Variants in DES observed in about 807,000 individuals in gnomAD.
DES encodes the protein desmin.
In DES, 34 loss-of-function variants were observed where a neutral mutation model predicts 55.1. The ratio of observed to expected loss-of-function variants is 0.62; its 90% CI spans 0.47 to 0.82. The LOEUF (loss-of-function observed/expected upper bound fraction) is 0.82, where lower values mean the gene tolerates loss of function less well. DES is among the 40% of genes least tolerant of loss of function. The pLI is 0.00. For missense variants in DES, 596 were observed against 645.9 expected (o/e 0.92, Z 0.84); for synonymous variants, 259 against 270.8 (o/e 0.96, Z 0.43).
rs759235186 is a variant in DES at position 219,418,674 on chromosome 2, C to G, written c.212C>G (p.Ala71Gly). The G allele has an allele frequency of 7.6e-6, 12 of 1,579,578 alleles. No individual in the cohort carries two copies. The highest frequency in any genetic ancestry group is 2.3e-5 in the East Asian group (1 of 43,372). The part of the protein sequence containing the change: ...GGAGGLGSLR[A>G]SRLGTTRTPS... ...GCCGGGGGCCTGGGGTCGCTGCGGG[C>G]CAGCCGGCTGGGGACCACCCGCACG... The change falls in exon 1 of 9, where the codon GCC becomes GGC. Residue 71 changes from alanine (A) to glycine (G), a missense_variant. Coordinates refer to ENST00000373960, the MANE Select transcript of DES (RefSeq NM_001927.4).
intron 6 of DES, 107 bp downstream of exon 6, chr2:219,421,667 C>T: frequency 9.7e-7 from 1 of 1,033,780 alleles, no homozygotes. Context: ...GACCTGGAAA[C>T]AATTTTTTTT....
chr2:219,421,508 C>T lies in DES; in HGVS notation c.1192C>T (p.Leu398=), dbSNP rs1575015024. ...YQDLLNVKMA[L]DVEIATYRKL... ...GGACCTGCTCAACGTGAAGATGGCCCTGGATGTGGAGATTGCCACCTACCG... is the reference window on the plus strand; with the variant it reads ...GGACCTGCTCAACGTGAAGATGGCCTTGGATGTGGAGATTGCCACCTACCG... Residue 398 remains leucine (L), a synonymous_variant, in exon 6 of 9, where the codon CTG becomes TTG. Coordinates refer to ENST00000373960, the MANE Select transcript of DES (RefSeq NM_001927.4). The T allele has an allele frequency of 6.2e-7, 1 of 1,614,076 alleles. No homozygotes were observed. The highest frequency in any genetic ancestry group is 8.5e-7 in the Non-Finnish European group (1 of 1,180,010).
In DES at chr2:219,426,606, G is replaced by T; in HGVS notation, c.*616G>T. On this transcript the variant is annotated 3_prime_UTR_variant, in exon 9 of 9. Coordinates refer to ENST00000373960, the MANE Select transcript of DES (RefSeq NM_001927.4). The surrounding 1 kb of genome is among the most constrained non-coding windows in gnomAD (Gnocchi z 4.5). ...AAGGAGAGAAAGTGGGTGAGATGCT[G>T]GAGAAGAGAGGAGAGGAGAGAGGCA... 1 of 168,248 alleles carries T rather than the reference G, an allele frequency of 5.9e-6. No homozygotes were observed. 10.4% of individuals were successfully genotyped at this position (168,248 alleles called of 1,614,324 possible). A position where few individuals can be genotyped will look rare whatever the true frequency, so the allele number is the denominator to read the frequency against.
Position 219,420,207 on chromosome 2 carries a change from C to G in DES, c.640-44C>G. 1 of 1,614,150 alleles carries G rather than the reference C, an allele frequency of 6.2e-7. No individual in the cohort carries two copies. Among genetic ancestry groups the G allele is most frequent in the East Asian group, 2.2e-5 (1 of 44,884 alleles). ...TGGCCTCTGGCCTTGCTCTGCCCCACCTGGGTGGCGGTGACCATGTCCTTC... is the reference window on the plus strand; with the variant it reads ...TGGCCTCTGGCCTTGCTCTGCCCCAGCTGGGTGGCGGTGACCATGTCCTTC... On this transcript the variant is annotated intron_variant, in intron 2 of 8. Coordinates refer to ENST00000373960, the MANE Select transcript of DES (RefSeq NM_001927.4). The surrounding 1 kb of genome is among the most constrained non-coding windows in gnomAD (Gnocchi z 6.0).
At chr2:219,425,865 C>T (rs925524280) in intron 8 of DES, 84 bp from the exon 9 acceptor site, 34 of 1,600,494 alleles carry the variant, frequency 2.1e-5, no homozygotes, top group Admixed American at 6.7e-5. Flanking sequence ...AGAGATCCTG[C>T]GGCCCTGGGG....
At chr2:219,421,155 G>A (rs1445500395) in intron 5 of DES, among the ~76,000 whole-genome samples, 185 bp from the exon 6 acceptor site, 1 of 152,218 alleles carries the variant, frequency 6.6e-6, no homozygotes, top group Non-Finnish European at 1.5e-5. Flanking sequence ...TGGGGACTGT[G>A]AGGCTGAATG....
chr2:219,423,202 T>C (rs1442681802), intron 6 of DES, among the ~76,000 whole-genome samples: 2 of 152,150 alleles, frequency 1.3e-5, no homozygotes, highest in African/African-American at 4.8e-5. Context: ...ATCCTGGTGC[T>C]CTGGAGGGCG....
rs1954398850 is a variant in DES at position 219,419,750 on chromosome 2, C to A, written c.579-345C>A. Among the ~76,000 whole-genome samples the A allele has an allele frequency of 6.6e-6, 1 of 152,168 alleles. No individual in the cohort carries two copies. Among genetic ancestry groups the A allele is most frequent in the Non-Finnish European group, 1.5e-5 (1 of 68,032 alleles). On this transcript the variant is annotated intron_variant, in intron 1 of 8. Coordinates refer to ENST00000373960, the MANE Select transcript of DES (RefSeq NM_001927.4). The surrounding 1 kb of genome is among the most constrained non-coding windows in gnomAD (Gnocchi z 4.3). ...AGTGAGCACAGTCACCCTCCTGCCA[C>A]CAAAGTCATAAATATTAATTGAGCA...
At chr2:219,424,241 G>A (rs6759920) in intron 7 of DES, among the ~76,000 whole-genome samples, 1,675 of 152,234 alleles carry the variant, frequency 0.011, 39 homozygotes, top group African/African-American at 0.034. Context: ...GCTGCTTGTC[G>A]AACACCTCCA....
rs762808690 is a variant in DES, at chr2:219,421,379, C to G, written c.1063C>G (p.Arg355Gly). The G allele has an allele frequency of 6.2e-7, 1 of 1,614,076 alleles. No homozygotes were observed. The highest frequency in any genetic ancestry group is 8.5e-7 in the Non-Finnish European group (1 of 1,180,012). Reference protein sequence around the residue: ...LMRQMRELEDRFASEASGYQD... With the variant: ...LMRQMRELEDGFASEASGYQD... Reference sequence around the variant, plus strand: ...GAGGCAGATGCGGGAATTGGAGGACCGATTTGCCAGTGAGGCCAGTGGCTA... The same window carrying G: ...GAGGCAGATGCGGGAATTGGAGGACGGATTTGCCAGTGAGGCCAGTGGCTA... The change falls in exon 6 of 9, where the codon CGA (arginine) becomes GGA (glycine). Residue 355 changes from arginine to glycine, a missense_variant. Transcript: ENST00000373960.
At chr2:219,424,877 T>C (rs1954507403) in intron 7 of DES, among the ~76,000 whole-genome samples, 2 of 152,222 alleles carry the variant, frequency 1.3e-5, no homozygotes, top group African/African-American at 4.8e-5. Flanking sequence ...TGTCTCACTT[T>C]AAGACATCAA....
chr2:219,421,577 G>T lies in DES; in HGVS notation c.1244+17G>T, dbSNP rs750992468. ...GGAGAGCCGGTGAGGGGCCAGGCAG[G>T]AGCCCGAGTGGGAGGTGCGGGGTGC... On this transcript the variant is annotated intron_variant, in intron 6 of 8. Coordinates refer to ENST00000373960, the MANE Select transcript of DES (RefSeq NM_001927.4). 1.9e-6 allele frequency: 3 copies of T among 1,611,678 alleles called. No individual in the cohort carries two copies. Among genetic ancestry groups the T allele is most frequent in the Non-Finnish European group, 2.5e-6 (3 of 1,178,482 alleles).
At chr2:219,424,504 C>G (rs1954501752) in intron 7 of DES, among the ~76,000 whole-genome samples, 1 of 152,130 alleles carries the variant, frequency 6.6e-6, no homozygotes, top group Non-Finnish European at 1.5e-5. Flanking sequence ...ACATTTCCAT[C>G]AGGAAAAAAA....
intron 7 of DES, among the ~76,000 whole-genome samples, chr2:219,424,534 G>A (rs1559354093): frequency 6.6e-6 from 1 of 152,202 alleles, no homozygotes; most frequent in East Asian, 1.9e-4. Context: ...GCTCCAGCGA[G>A]TCACAACATT....
Position 219,418,824 on chromosome 2 carries a change from A to G in DES, c.362A>G (p.Asn121Ser), listed in dbSNP as rs1420567913. The G allele has an allele frequency of 1.3e-6, 2 of 1,580,934 alleles. No individual in the cohort carries two copies. The highest frequency in any genetic ancestry group is 1.7e-6 in the Non-Finnish European group (2 of 1,163,088). ...CAGGAGCTCAATGACCGCTTCGCCA[A>G]CTACATCGAGAAGGTGCGCTTCCTG... is the stretch of plus-strand genomic sequence containing the variant. Reference protein sequence around the residue: ...ELQELNDRFANYIEKVRFLEQ... With the variant: ...ELQELNDRFASYIEKVRFLEQ... Residue 121 changes from asparagine (N) to serine (S), a missense_variant, in exon 1 of 9, where the codon AAC (asparagine) becomes AGC (serine). By Grantham distance (46) the Asn-to-Ser change is conservative (BLOSUM62 1). Transcript: ENST00000373960.
chr2:219,418,825 C>A lies in DES; in HGVS notation c.363C>A (p.Asn121Lys). ...ELQELNDRFA[N>K]YIEKVRFLEQ... ...AGGAGCTCAATGACCGCTTCGCCAA[C>A]TACATCGAGAAGGTGCGCTTCCTGG... The change falls in exon 1 of 9, where the codon AAC becomes AAA. Residue 121 changes from asparagine (N) to lysine (K), a missense_variant. By Grantham distance (94) the Asn-to-Lys change is moderately conservative (BLOSUM62 0). Transcript: ENST00000373960. 6.3e-7 allele frequency: 1 copy of A among 1,581,270 alleles called. No individual in the cohort carries two copies. The highest frequency in any genetic ancestry group is 8.6e-7 in the Non-Finnish European group (1 of 1,163,272).
At chr2:219,421,956 G>A (rs1472367468) in intron 6 of DES, among the ~76,000 whole-genome samples, 4 of 152,092 alleles carry the variant, frequency 2.6e-5, no homozygotes, top group Non-Finnish European at 5.9e-5. Flanking sequence ...GTGAGCCACC[G>A]CACCCGGCGT....
intron 6 of DES, among the ~76,000 whole-genome samples, 177 bp downstream of exon 6, chr2:219,421,737 GCTCACTGC>G (rs1954448941): frequency 6.6e-6 from 1 of 151,978 alleles, no homozygotes; most frequent in Non-Finnish European, 1.5e-5. Context: ...CACCATCTTG[GCTCACTGC>G]AACCTCCGCC....
rs1265511892 is a variant in DES at position 219,420,983 on chromosome 2, G to T, written c.1023+30G>T. 1.2e-6 allele frequency: 2 copies of T among 1,608,258 alleles called. No individual in the cohort carries two copies. Among genetic ancestry groups the T allele is most frequent in the Admixed American group, 3.4e-5 (2 of 59,500 alleles). ...GTCCCTGCCCACCTGGCCAGGCCCT[G>T]CCCCTTCCTGTCTGCAGTTCACACC... On this transcript the variant is annotated intron_variant, in intron 5 of 8. Coordinates refer to ENST00000373960, the MANE Select transcript of DES (RefSeq NM_001927.4). This position sits in a 1 kb window ranked among gnomAD's most constrained non-coding sequence, Gnocchi z 6.0.
Sources: allele counts gnomAD v4.1 joint callset (sites outside exome capture counted in the v4.1 genomes callset), GRCh38; gene constraint gnomAD v4.1.1; non-coding constraint Gnocchi (gnomAD v3.1); transcripts MANE v1.5; gene names NCBI Gene and HGNC (gene_info 2026-07-23, HGNC 2026-07-21).